The following MBTPS1 variants were observed in gnomAD, a reference collection of about 807,000 sequenced individuals.
MBTPS1 encodes membrane bound transcription factor peptidase, site 1.
Under a neutral mutation model 127.8 loss-of-function variants are expected in MBTPS1, and 94 were observed. That is an observed-to-expected ratio of 0.74 (90% CI 0.62 to 0.87). The LOEUF (loss-of-function observed/expected upper bound fraction) is 0.87, where lower values mean the gene tolerates loss of function less well. Ranked by LOEUF, MBTPS1 falls within the 40% of genes least tolerant of loss-of-function variation. The probability of loss-of-function intolerance (pLI) is 0.00; values close to 1 mark genes in which losing one functional copy is unlikely to be tolerated. For synonymous variants in MBTPS1, 632 were observed against 509.4 expected (o/e 1.24, Z -3.24); for missense variants, 1,636 against 1,353.2 (o/e 1.21, Z -3.28).
At chr16:84,065,571 A>T (rs2085669313) in intron 18 of MBTPS1, 119 bp downstream of exon 18, 1 of 725,760 alleles carries the variant, frequency 1.4e-6, no homozygotes, top group African/African-American at 1.8e-5. Context: ...ATGGTATGTA[A>T]ATTATATGCA....
At chr16:84,097,791 G>A (rs1328920891) in intron 3 of MBTPS1, among the ~76,000 whole-genome samples, 2 of 151,460 alleles carry the variant, frequency 1.3e-5, no homozygotes, top group African/African-American at 4.9e-5. Flanking sequence ...AAAGTCAGAC[G>A]CCTTAAGTTT....
intron 10 of MBTPS1, among the ~76,000 whole-genome samples, chr16:84,082,996 C>G (rs1476018052): frequency 6.6e-6 from 1 of 152,168 alleles, no homozygotes; most frequent in African/African-American, 2.4e-5. Context: ...GACTGAAAGG[C>G]TTCCTTGTTG....
At chr16:84,105,694 C>T (rs1446437376) in intron 1 of MBTPS1, among the ~76,000 whole-genome samples, 2 of 152,128 alleles carry the variant, frequency 1.3e-5, no homozygotes, top group African/African-American at 2.4e-5. Context: ...GAGAGGACCT[C>T]AAGCAGGTAC....
At chr16:84,062,269 C>T (rs8052114) in intron 19 of MBTPS1, among the ~76,000 whole-genome samples, 8 of 152,112 alleles carry the variant, frequency 5.3e-5, no homozygotes, top group African/African-American at 4.8e-5. Context: ...TACAGGCACA[C>T]GCCACCACGC....
At chr16:84,062,641 C>G (rs2151142580) in intron 19 of MBTPS1, among the ~76,000 whole-genome samples, 1 of 152,156 alleles carries the variant, frequency 6.6e-6, no homozygotes, top group East Asian at 1.9e-4. Context: ...TATCATCTCA[C>G]CAGGTAAAAA....
intron 12 of MBTPS1, among the ~76,000 whole-genome samples, chr16:84,073,866 C>T (rs1182076620): frequency 3.3e-5 from 5 of 151,918 alleles, no homozygotes; most frequent in Non-Finnish European, 7.4e-5. Context: ...ATTAGCCAGA[C>T]GTGGTGGCAG....
chr16:84,055,003 G>A (rs552630441), intron 22 of MBTPS1, among the ~76,000 whole-genome samples: 37 of 152,316 alleles, frequency 2.4e-4, no homozygotes, highest in Admixed American at 5.9e-4. Context: ...AGATGGGCAC[G>A]TCTCTATCCA....
chr16:84,070,913 C>T, intron 12 of MBTPS1, 137 bp from the exon 13 acceptor site: 1 of 668,686 alleles, frequency 1.5e-6, no homozygotes, highest in Non-Finnish European at 2.5e-6. Context: ...AAAATTTATA[C>T]ACAGATACTA....
At chr16:84,080,251 C>T (rs1041756694) in intron 11 of MBTPS1, among the ~76,000 whole-genome samples, 8 of 152,220 alleles carry the variant, frequency 5.3e-5, no homozygotes, top group African/African-American at 1.9e-4. Context: ...GAAAGGACAG[C>T]TCTTCCTTCC....
At chr16:84,108,215 G>A (rs1396038574) in intron 1 of MBTPS1, among the ~76,000 whole-genome samples, 1 of 151,984 alleles carries the variant, frequency 6.6e-6, no homozygotes, top group African/African-American at 2.4e-5. Flanking sequence ...CAGCAGGACA[G>A]GCAGACAGAG....
intron 3 of MBTPS1, 94 bp downstream of exon 3, chr16:84,098,959 C>A: frequency 1.7e-6 from 2 of 1,194,966 alleles, no homozygotes; most frequent in East Asian, 2.3e-5. Flanking sequence ...TGGAAGGATG[C>A]GGATACTCAC....
At chr16:84,104,883 C>G (rs1597351497) in intron 1 of MBTPS1, among the ~76,000 whole-genome samples, 1 of 152,054 alleles carries the variant, frequency 6.6e-6, no homozygotes, top group East Asian at 1.9e-4. Flanking sequence ...AGAGACCAGC[C>G]TGGCCAACAT....
Position 84,095,589 on chromosome 16 carries a change from T to TA in MBTPS1, c.625+12dup. ...ATATCCCATAAGCACCTTCCCTGGGTAATAGCACACACCTGTATATCCCAT... is the reference window on the plus strand; with the variant it reads ...ATATCCCATAAGCACCTTCCCTGGGTAAATAGCACACACCTGTATATCCCAT... On this transcript the variant is annotated intron_variant, in intron 4 of 22. Coordinates refer to ENST00000343411, the MANE Select transcript of MBTPS1 (RefSeq NM_003791.4). 6.2e-7 allele frequency: 1 copy of TA among 1,612,798 alleles called. No homozygotes were observed.
At position 84,054,397 on chromosome 16, in the gene MBTPS1, A is replaced by G. The variant is rs1446460781; in HGVS notation, c.*52T>C. Reference sequence around the variant, plus strand: ...GCCACCACAGCTCGGCTCACCCACCAGCGCCGTCCGTGAAGGCTCTCTCTG... The same window carrying G: ...GCCACCACAGCTCGGCTCACCCACCGGCGCCGTCCGTGAAGGCTCTCTCTG... On this transcript the variant is annotated 3_prime_UTR_variant, in exon 23 of 23. Coordinates refer to ENST00000343411, the MANE Select transcript of MBTPS1 (RefSeq NM_003791.4). 2.0e-6 allele frequency: 3 copies of G among 1,490,812 alleles called. No homozygotes were observed. Among genetic ancestry groups the G allele is most frequent in the Non-Finnish European group, 2.7e-6 (3 of 1,109,764 alleles). The allele number at this position is 1,490,812 out of a possible 1,614,324, so 92.3% of individuals were successfully genotyped here.
chr16:84,084,859 C>T (rs1366563612), intron 10 of MBTPS1, 124 bp downstream of exon 10: 9 of 917,962 alleles, frequency 9.8e-6, no homozygotes, highest in African/African-American at 1.7e-5. Flanking sequence ...CAGAGCAAGG[C>T]TGTGAAGGGC....
chr16:84,111,677 G>A (rs570629567), intron 1 of MBTPS1, among the ~76,000 whole-genome samples: 36 of 152,276 alleles, frequency 2.4e-4, no homozygotes, highest in African/African-American at 6.3e-4. Flanking sequence ...GCCTCCAGAC[G>A]GAGACAACCC....
At chr16:84,090,177 C>G (rs1306978506) in intron 8 of MBTPS1, among the ~76,000 whole-genome samples, 1 of 152,186 alleles carries the variant, frequency 6.6e-6, no homozygotes, top group African/African-American at 2.4e-5. Context: ...ACTTCGAGCA[C>G]AAGAAATGAC....
At chr16:84,062,525 C>G (rs7193888) in intron 19 of MBTPS1, among the ~76,000 whole-genome samples, 4 of 151,996 alleles carry the variant, frequency 2.6e-5, no homozygotes, top group African/African-American at 9.7e-5. Context: ...CACCTCTCAG[C>G]GCACGCTGTT....
chr16:84,090,921 T>C lies in MBTPS1; in HGVS notation c.985A>G (p.Asn329Asp). ...VDKVWELTAN[N>D]VIMVSAIGND... ...CCAATAGCAGAAACCATGATTACATTGTTAGCTGTTAATTCCCACACCTAC... is the reference window on the plus strand; with the variant it reads ...CCAATAGCAGAAACCATGATTACATCGTTAGCTGTTAATTCCCACACCTAC... Residue 329 changes from asparagine to aspartate, a missense_variant, in exon 8 of 23, where the codon AAT becomes GAT. By Grantham distance (23) the Asn-to-Asp change is conservative. Transcript: ENST00000343411. 1 of 1,613,100 alleles carries C rather than the reference T, an allele frequency of 6.2e-7. No individual in the cohort carries two copies. Among genetic ancestry groups the C allele is most frequent in the Non-Finnish European group, 8.5e-7 (1 of 1,179,236 alleles).
Sources: gnomAD v4.1 joint callset for allele counts (sites outside exome capture counted in the v4.1 genomes callset) on GRCh38, gnomAD v4.1.1 for gene constraint, MANE v1.5 for transcripts, NCBI Gene and HGNC (gene_info 2026-07-23, HGNC 2026-07-21) for gene names.